TENM3: variants seen among roughly 807,000 people sequenced by gnomAD.
TENM3 encodes the protein teneurin-3.
Under a neutral mutation model 255.1 loss-of-function variants are expected in TENM3, and 63 were observed. That is an observed-to-expected ratio of 0.25 (90% CI 0.20 to 0.30). TENM3 has a LOEUF of 0.30. Ranked by LOEUF, TENM3 falls within the 10% of genes least tolerant of loss-of-function variation. The pLI is 1.00. For synonymous variants in TENM3, 1,306 were observed against 1,322.3 expected (o/e 0.99, Z 0.27); for missense variants, 2,929 against 3,461.1 (o/e 0.85, Z 3.86).
At chr4:181,760,018 A>C in the TENM3 span, among the ~76,000 whole-genome samples, 1,610 of 152,184 alleles carry the variant, frequency 0.011, 17 homozygotes, top group African/African-American at 0.037. Flanking sequence ...CTCAACCACC[A>C]TGCTGCCTAC....
At chr4:182,339,681 G>A (rs1580213417) in intron 2 of TENM3, among the ~76,000 whole-genome samples, 1 of 152,172 alleles carries the variant, frequency 6.6e-6, no homozygotes, top group African/African-American at 2.4e-5. Flanking sequence ...TGCCCATTTT[G>A]GATCCACAGT....
At chr4:181,828,122 A>C in the TENM3 span, among the ~76,000 whole-genome samples, 3 of 152,170 alleles carry the variant, frequency 2.0e-5, no homozygotes, top group Non-Finnish European at 4.4e-5. Context: ...GACTAAACCA[A>C]ACTTCCATAG....
chr4:181,758,777 TA>T, the TENM3 span, among the ~76,000 whole-genome samples: 1 of 152,190 alleles, frequency 6.6e-6, no homozygotes, highest in Admixed American at 6.5e-5. Flanking sequence ...CTCACAAAGA[TA>T]TTACATTTGA....
At chr4:181,883,739 A>G in the TENM3 span, among the ~76,000 whole-genome samples, 3 of 152,160 alleles carry the variant, frequency 2.0e-5, no homozygotes, top group African/African-American at 7.2e-5. Flanking sequence ...AGCCCCCCAA[A>G]GTGCTGGGAT....
intron 4 of TENM3, among the ~76,000 whole-genome samples, chr4:182,623,726 C>G (rs1172867799): frequency 6.6e-6 from 1 of 152,096 alleles, no homozygotes; most frequent in African/African-American, 2.4e-5. Context: ...CTGAGCACAG[C>G]AGGGAGCTTC....
At chr4:181,937,873 A>C in the TENM3 span, among the ~76,000 whole-genome samples, 1 of 152,166 alleles carries the variant, frequency 6.6e-6, no homozygotes, top group Non-Finnish European at 1.5e-5. Context: ...CTCCATCCCC[A>C]GTGAAGAGAC....
At chr4:181,798,725 T>C in the TENM3 span, among the ~76,000 whole-genome samples, 1 of 152,220 alleles carries the variant, frequency 6.6e-6, no homozygotes, top group African/African-American at 2.4e-5. Flanking sequence ...TTTGGGTTAG[T>C]ATATATTATG....
At chr4:182,338,440 A>C (rs2150598626) in intron 2 of TENM3, among the ~76,000 whole-genome samples, 1 of 152,354 alleles carries the variant, frequency 6.6e-6, no homozygotes, top group African/African-American at 2.4e-5. Flanking sequence ...TTCCAAATAA[A>C]AAAGAGCCTG....
chr4:181,893,180 A>T, the TENM3 span, among the ~76,000 whole-genome samples: 3 of 152,184 alleles, frequency 2.0e-5, no homozygotes, highest in African/African-American at 7.2e-5. Flanking sequence ...GCATGCTTAA[A>T]TGAAAAAGAC....
intron 1 of TENM3, among the ~76,000 whole-genome samples, chr4:182,232,288 G>A (rs1325273596): frequency 2.6e-5 from 4 of 152,144 alleles, no homozygotes; most frequent in Admixed American, 6.5e-5. Context: ...CATTTCAGCC[G>A]AGGAAAGATT....
the TENM3 span, among the ~76,000 whole-genome samples, chr4:181,464,350 G>C: frequency 6.6e-6 from 1 of 152,088 alleles, no homozygotes; most frequent in Non-Finnish European, 1.5e-5. Context: ...CATTCTGGTG[G>C]GTATGTAGTG....
the TENM3 span, among the ~76,000 whole-genome samples, chr4:181,811,472 A>G: frequency 6.6e-6 from 1 of 152,216 alleles, no homozygotes; most frequent in East Asian, 1.9e-4. Flanking sequence ...AGCACTTTCA[A>G]AGTAAAGAAA....
chr4:181,910,677 A>G, the TENM3 span, among the ~76,000 whole-genome samples: 86 of 149,248 alleles, frequency 5.8e-4, no homozygotes, highest in African/African-American at 2.1e-3. Context: ...GAGTCTCACT[A>G]TGTTGTCCAG....
At chr4:181,878,769 A>G in the TENM3 span, among the ~76,000 whole-genome samples, 3 of 151,972 alleles carry the variant, frequency 2.0e-5, no homozygotes, top group Non-Finnish European at 4.4e-5. Context: ...GCGTGCATCC[A>G]TCCATCCATC....
rs117655766 is a variant in TENM3 at position 182,604,285 on chromosome 4, A to G, written c.749+3124A>G. On this transcript the variant is annotated intron_variant, in intron 4 of 27. Coordinates refer to ENST00000511685, the MANE Select transcript of TENM3 (RefSeq NM_001080477.4). ...TCTCCTAGAGTCACACTGAGATCCA[A>G]AAATGCCTTTGCAGTTCATAAGCAT... 5.7e-3 allele frequency among the ~76,000 whole-genome samples: 874 copies of G among 152,298 alleles called. 25 individuals carry two copies. The East Asian group carries it at 0.083, about 14-fold the overall frequency.
the TENM3 span, among the ~76,000 whole-genome samples, chr4:181,694,785 G>A: frequency 1.3e-5 from 2 of 152,126 alleles, no homozygotes; most frequent in East Asian, 1.9e-4. Flanking sequence ...TCCCTTATTC[G>A]GTTCTTTTAT....
At chr4:181,920,137 TG>T in the TENM3 span, among the ~76,000 whole-genome samples, 3 of 152,152 alleles carry the variant, frequency 2.0e-5, no homozygotes, top group Non-Finnish European at 4.4e-5. Context: ...CTATCATTGT[TG>T]GACATTTGGG....
At chr4:181,614,357 G>A in the TENM3 span, among the ~76,000 whole-genome samples, 1 of 151,996 alleles carries the variant, frequency 6.6e-6, no homozygotes, top group East Asian at 1.9e-4. Flanking sequence ...TTTTTTGTCT[G>A]TTTGTTTTTA....
the TENM3 span, among the ~76,000 whole-genome samples, chr4:181,641,436 T>C: frequency 6.7e-6 from 1 of 150,172 alleles, no homozygotes; most frequent in African/African-American, 2.5e-5. Flanking sequence ...ATGCGGTGTT[T>C]GGTTTTCTGT....
Sources: gnomAD v4.1 joint callset for allele counts (sites outside exome capture counted in the v4.1 genomes callset) on GRCh38, gnomAD v4.1.1 for gene constraint, MANE v1.5 for transcripts, NCBI Gene and HGNC (gene_info 2026-07-23, HGNC 2026-07-21) for gene names.